The following MMS22L variants were observed in gnomAD, a reference collection of about 807,000 sequenced individuals.
MMS22L encodes protein MMS22-like.
A neutral mutation model predicts 159.1 loss-of-function variants in MMS22L; 74 were observed. The observed-to-expected ratio is 0.47, with a 90% CI of 0.39 to 0.56. The LOEUF is 0.56. MMS22L is among the 20% of genes least tolerant of loss of function. The probability of loss-of-function intolerance (pLI) is 0.00; values close to 1 mark genes in which losing one functional copy is unlikely to be tolerated. For synonymous variants in MMS22L, 517 were observed against 506.9 expected (o/e 1.02, Z -0.27); for missense variants, 1,351 against 1,422.1 (o/e 0.95, Z 0.80).
intron 14 of MMS22L, among the ~76,000 whole-genome samples, chr6:97,211,005 T>C (rs1562462840): frequency 6.6e-6 from 1 of 151,978 alleles, no homozygotes; most frequent in African/African-American, 2.4e-5. Context: ...AATGGCATGA[T>C]AGTATAAATG....
intron 14 of MMS22L, among the ~76,000 whole-genome samples, chr6:97,196,337 A>G (rs1368878060): frequency 6.6e-6 from 1 of 152,198 alleles, no homozygotes; most frequent in East Asian, 1.9e-4. Flanking sequence ...GAGTTGCAGA[A>G]AGTTAAAATA....
At chr6:97,268,340 T>G (rs545195486) in intron 7 of MMS22L, among the ~76,000 whole-genome samples, 1 of 151,854 alleles carries the variant, frequency 6.6e-6, no homozygotes, top group East Asian at 1.9e-4. Flanking sequence ...ACCCGCCACC[T>G]CACCTGGCTA....
chr6:97,260,129 A>G (rs966795918), intron 9 of MMS22L: 1 of 152,198 alleles, frequency 6.6e-6, no homozygotes, highest in South Asian at 2.1e-4. Context: ...AAACAGTTTT[A>G]GTAAGACTTG....
chr6:97,143,679 A>G lies in MMS22L; in HGVS notation c.*3127T>C, dbSNP rs1800741140. 6.6e-6 allele frequency: 1 copy of G among 152,192 alleles called. No homozygotes were observed. The highest frequency in any genetic ancestry group is 2.4e-5 in the African/African-American group (1 of 41,448). 9.4% of individuals were successfully genotyped at this position (152,192 alleles called of 1,614,324 possible). ...ACTGAAAGTGGGAGAAACATGAAGA[A>G]CCTAAAATGCCTCTGACATTTCAAG... On this transcript the variant is annotated 3_prime_UTR_variant, in exon 25 of 25. Transcript: ENST00000683635.
intron 22 of MMS22L, among the ~76,000 whole-genome samples, chr6:97,155,966 A>G (rs1206135): frequency 0.45 from 68,310 of 151,928 alleles, 15,539 homozygotes; most frequent in South Asian, 0.53. Flanking sequence ...AAGTGTTCCT[A>G]TTTCTCCACA....
rs569607100 is a variant in MMS22L at position 97,178,138 on chromosome 6, C to T, written c.2679+305G>A. 1.6e-4 allele frequency among the ~76,000 whole-genome samples: 24 copies of T among 152,214 alleles called. 1 individual carries two copies. The highest frequency in any genetic ancestry group is 7.8e-4 in the Admixed American group (12 of 15,288). ...TCAGTTCCCAAGCATCTGAACAATG[C>T]GGTTGTCCAGCAACTGTGTCAATAT... On this transcript the variant is annotated intron_variant, in intron 18 of 24. Transcript: ENST00000683635.
At chr6:97,232,096 G>A (rs772082560) in intron 12 of MMS22L, among the ~76,000 whole-genome samples, 2 of 151,996 alleles carry the variant, frequency 1.3e-5, no homozygotes, top group Non-Finnish European at 2.9e-5. Context: ...CTGTAAATTG[G>A]TGGCTATATC....
At chr6:97,244,890 G>A (rs942671781) in intron 11 of MMS22L, among the ~76,000 whole-genome samples, 1 of 152,054 alleles carries the variant, frequency 6.6e-6, no homozygotes, top group African/African-American at 2.4e-5. Context: ...GGGTATGGGC[G>A]GGGGCAGTTC....
chr6:97,173,454 C>T (rs1803772740), intron 18 of MMS22L, among the ~76,000 whole-genome samples: 1 of 151,956 alleles, frequency 6.6e-6, no homozygotes, highest in Non-Finnish European at 1.5e-5. Context: ...CTTAAAAACT[C>T]ACCAATAACT....
chr6:97,265,575 C>T (rs1191027383), intron 8 of MMS22L: 5 of 151,870 alleles, frequency 3.3e-5, no homozygotes. Flanking sequence ...GGGAAAATCT[C>T]GAGAATGGAA....
intron 14 of MMS22L, among the ~76,000 whole-genome samples, chr6:97,197,403 C>T (rs1806643174): frequency 6.6e-6 from 1 of 152,134 alleles, no homozygotes; most frequent in Non-Finnish European, 1.5e-5. Flanking sequence ...GCTAGTCAGT[C>T]TCCAAGTTTT....
chr6:97,161,601 A>C (rs1021753680), intron 22 of MMS22L, among the ~76,000 whole-genome samples: 7 of 152,064 alleles, frequency 4.6e-5, no homozygotes, highest in Non-Finnish European at 1.0e-4. Context: ...TTTGCCTCAA[A>C]AATCAGCTTA....
intron 11 of MMS22L, among the ~76,000 whole-genome samples, chr6:97,235,985 T>C (rs1486868361): frequency 8.5e-5 from 13 of 152,214 alleles, no homozygotes; most frequent in African/African-American, 2.9e-4. Context: ...TGAGGCAAGA[T>C]GTTAACCCGA....
intron 10 of MMS22L, among the ~76,000 whole-genome samples, chr6:97,249,013 C>T (rs1812958185): frequency 6.9e-6 from 1 of 144,806 alleles, no homozygotes; most frequent in African/African-American, 2.6e-5. Flanking sequence ...GCTGGACACA[C>T]CCACATAGTC....
chr6:97,245,444 T>C (rs1228994993), intron 11 of MMS22L, among the ~76,000 whole-genome samples: 1 of 152,116 alleles, frequency 6.6e-6, no homozygotes, highest in Non-Finnish European at 1.5e-5. Context: ...CTGATACAAA[T>C]GACAATGGCC....
chr6:97,210,942 T>C (rs1179968481), intron 14 of MMS22L, among the ~76,000 whole-genome samples: 1 of 151,946 alleles, frequency 6.6e-6, no homozygotes, highest in Non-Finnish European at 1.5e-5. Flanking sequence ...GGTCCAACCA[T>C]TTCAGAATTT....
chr6:97,276,362 T>A (rs1205584845), intron 4 of MMS22L, among the ~76,000 whole-genome samples: 1 of 152,130 alleles, frequency 6.6e-6, no homozygotes, highest in Non-Finnish European at 1.5e-5. Flanking sequence ...ACTGCAGTGG[T>A]TTCAGGTTAA....
At position 97,243,103 on chromosome 6, in the gene MMS22L, G is replaced by T. The variant is rs142229461; in HGVS notation, c.1182+3525C>A. The stretch of plus-strand genomic sequence containing the variant: ...TTCCCAGGTGTTCTTTGAGCTTCTT[G>T]TATTTGGATGTCTAGATCTCTAGCA... On this transcript the variant is annotated intron_variant, in intron 11 of 24. Coordinates refer to ENST00000683635, the MANE Select transcript of MMS22L (RefSeq NM_001350599.2). 1.3e-3 allele frequency among the ~76,000 whole-genome samples: 198 copies of T among 152,180 alleles called. 1 individual carries two copies. Among genetic ancestry groups the T allele is most frequent in the African/African-American group, 4.5e-3 (187 of 41,534 alleles).
intron 3 of MMS22L, among the ~76,000 whole-genome samples, chr6:97,279,347 G>C (rs1218447179): frequency 6.6e-6 from 1 of 152,126 alleles, no homozygotes; most frequent in Non-Finnish European, 1.5e-5. Flanking sequence ...AGCCCGGCAT[G>C]GTGGCGGACG....
Sources: allele counts gnomAD v4.1 joint callset (sites outside exome capture counted in the v4.1 genomes callset), GRCh38; gene constraint gnomAD v4.1.1; transcripts MANE v1.5; gene names NCBI Gene and HGNC (gene_info 2026-07-23, HGNC 2026-07-21).